Variants in CCND3 observed in about 807,000 individuals in gnomAD.
CCND3 encodes G1/S-specific cyclin-D3.
A neutral mutation model predicts 28.7 loss-of-function variants in CCND3; 9 were observed. That is an observed-to-expected ratio of 0.31 (90% CI 0.19 to 0.55). CCND3 has a LOEUF of 0.55. Among genes scored for constraint, CCND3 ranks in the 20% least tolerant of loss-of-function variants. The pLI is 0.93. For synonymous variants in CCND3, 164 were observed against 163.9 expected, an observed-to-expected ratio of 1.00 and a Z score of 0.00; for missense variants, 315 against 385.8, an observed-to-expected ratio of 0.82 and a Z score of 1.54.
At chr6:41,974,113 G>T (rs547625552) in intron 1 of CCND3, among the ~76,000 whole-genome samples, 1 of 152,326 alleles carries the variant, frequency 6.6e-6, no homozygotes, top group East Asian at 1.9e-4. Flanking sequence ...AACCCGGGAG[G>T]TGGAGGTTGC....
chr6:41,945,241 C>T (rs369319814), upstream of CCND3, among the ~76,000 whole-genome samples: 15 of 152,272 alleles, frequency 9.9e-5, no homozygotes, highest in African/African-American at 3.6e-4. Flanking sequence ...GGGCCAGGCA[C>T]GGTGGCTCAC....
At chr6:41,994,504 T>G (rs1327159426) in intron 1 of CCND3, among the ~76,000 whole-genome samples, 1 of 152,138 alleles carries the variant, frequency 6.6e-6, no homozygotes, top group African/African-American at 2.4e-5. Context: ...CAGAGGATTT[T>G]TAGGGTAGTG....
At chr6:42,033,453 A>AT (rs1764102509) in intron 1 of CCND3, among the ~76,000 whole-genome samples, 1 of 129,560 alleles carries the variant, frequency 7.7e-6, no homozygotes, top group Non-Finnish European at 1.7e-5. Flanking sequence ...CCATCTAAAA[A>AT]AAAAATATAT....
At chr6:41,960,308 G>A (rs1308894637) in intron 1 of CCND3, among the ~76,000 whole-genome samples, 1 of 152,198 alleles carries the variant, frequency 6.6e-6, no homozygotes, top group African/African-American at 2.4e-5. Context: ...TCTAAAATTA[G>A]ATTATGGTAG....
At chr6:41,986,397 A>G (rs1310459068) in intron 1 of CCND3, among the ~76,000 whole-genome samples, 2 of 151,856 alleles carry the variant, frequency 1.3e-5, no homozygotes. Flanking sequence ...AATTCTTCCA[A>G]TTCATGAACA....
At chr6:41,962,061 A>T (rs370092826) in intron 1 of CCND3, among the ~76,000 whole-genome samples, 26 of 152,128 alleles carry the variant, frequency 1.7e-4, no homozygotes, top group African/African-American at 5.8e-4. Flanking sequence ...TCCACCAGTT[A>T]CCATCTCTAA....
At chr6:41,967,448 C>T (rs1761917871) in intron 1 of CCND3, among the ~76,000 whole-genome samples, 1 of 152,162 alleles carries the variant, frequency 6.6e-6, no homozygotes, top group South Asian at 2.1e-4. Context: ...AGTGACTAAG[C>T]CTCGATTTCT....
At chr6:41,977,109 T>C (rs1327196622) in intron 1 of CCND3, among the ~76,000 whole-genome samples, 1 of 152,150 alleles carries the variant, frequency 6.6e-6, no homozygotes, top group Non-Finnish European at 1.5e-5. Flanking sequence ...TGAGAGAATC[T>C]CAGGGTCAGA....
chr6:41,936,411 G>A lies in CCND3; in HGVS notation c.711+148C>T. On this transcript the variant is annotated intron_variant, in intron 4 of 4. Transcript: ENST00000372991. The surrounding 1 kb of genome is among the most constrained non-coding windows in gnomAD (Gnocchi z 4.4). ...AGATACTTGCTCTTCCCCAGACCAAGGCAGGAGATAAAAAGCCACAAAGCC... is the reference window on the plus strand; with the variant it reads ...AGATACTTGCTCTTCCCCAGACCAAAGCAGGAGATAAAAAGCCACAAAGCC... 1.1e-6 allele frequency: 1 copy of A among 941,650 alleles called. No individual in the cohort carries two copies. Among genetic ancestry groups the A allele is most frequent in the Non-Finnish European group, 1.6e-6 (1 of 622,108 alleles). The allele number at this position is 941,650 out of a possible 1,614,324, so 58.3% of individuals were successfully genotyped here. A position where few individuals can be genotyped will look rare whatever the true frequency, so the allele number is the denominator to read the frequency against.
intron 1 of CCND3, among the ~76,000 whole-genome samples, chr6:41,980,286 C>G (rs1762307609): frequency 6.6e-6 from 1 of 152,044 alleles, no homozygotes; most frequent in African/African-American, 2.4e-5. Flanking sequence ...CAGGCACCTG[C>G]CACCACTCCT....
chr6:41,974,969 T>A (rs1762134757), intron 1 of CCND3, among the ~76,000 whole-genome samples: 1 of 151,702 alleles, frequency 6.6e-6, no homozygotes, highest in African/African-American at 2.4e-5. Flanking sequence ...ATTTTTGTAT[T>A]TTTTAGTAGA....
intron 1 of CCND3, among the ~76,000 whole-genome samples, chr6:42,004,592 TGTG>T (rs1763124936): frequency 6.6e-6 from 1 of 151,838 alleles, no homozygotes; most frequent in Non-Finnish European, 1.5e-5. Flanking sequence ...AATAGCCAGG[TGTG>T]GTGGTGGGCA....
chr6:41,970,360 A>G (rs1762004257), intron 1 of CCND3, among the ~76,000 whole-genome samples: 1 of 152,096 alleles, frequency 6.6e-6, no homozygotes, highest in Admixed American at 6.6e-5. Flanking sequence ...AAAATAAAAT[A>G]AATAAAATAA....
At chr6:42,011,465 C>G (rs1378623280) in intron 1 of CCND3, among the ~76,000 whole-genome samples, 1 of 152,144 alleles carries the variant, frequency 6.6e-6, no homozygotes, top group Non-Finnish European at 1.5e-5. Flanking sequence ...GGTCACTCCA[C>G]TAGAGATTTT....
At chr6:41,958,016 T>TTTTC (rs55718813) in intron 1 of CCND3, among the ~76,000 whole-genome samples, 2 of 149,872 alleles carry the variant, frequency 1.3e-5, no homozygotes, top group East Asian at 3.9e-4. Flanking sequence ...TTTTTTTTTT[T>TTTTC]GAGACAGAAT....
intron 1 of CCND3, among the ~76,000 whole-genome samples, chr6:42,011,796 TA>T (rs1235175701): frequency 2.0e-5 from 3 of 151,752 alleles, no homozygotes; most frequent in South Asian, 2.1e-4. Flanking sequence ...AATCTCAGAG[TA>T]AGAGGCCACC....
intron 1 of CCND3, among the ~76,000 whole-genome samples, chr6:42,036,403 A>ATATATATTTTT (rs57619585): frequency 2.6e-4 from 8 of 31,320 alleles, no homozygotes; most frequent in Admixed American, 6.9e-4. Flanking sequence ...ATATATATAT[A>ATATATATTTTT]TTTTTTTTTT....
chr6:42,049,830 G>C (rs1171947282), upstream of CCND3: 1 of 152,180 alleles, frequency 6.6e-6, no homozygotes, highest in Non-Finnish European at 1.5e-5. Context: ...AGAATCATCT[G>C]GGGAGCTCCT....
At chr6:42,028,921 A>G (rs1763963460) in intron 1 of CCND3, among the ~76,000 whole-genome samples, 1 of 151,818 alleles carries the variant, frequency 6.6e-6, no homozygotes, top group Non-Finnish European at 1.5e-5. Flanking sequence ...TCCCATGCTC[A>G]GGACGGGTCC....
Sources: gnomAD v4.1 joint callset for allele counts (sites outside exome capture counted in the v4.1 genomes callset) on GRCh38, gnomAD v4.1.1 for gene constraint, Gnocchi (gnomAD v3.1) non-coding constraint, MANE v1.5 for transcripts, NCBI Gene and HGNC (gene_info 2026-07-23, HGNC 2026-07-21) for gene names.